The following DGKB variants were observed in gnomAD, a reference collection of about 807,000 sequenced individuals.
DGKB encodes the protein 90 kDa diacylglycerol kinase.
Under a neutral mutation model 114.3 loss-of-function variants are expected in DGKB, and 67 were observed. The observed-to-expected ratio is 0.59, with a 90% confidence interval of 0.48 to 0.72. The LOEUF is 0.72. DGKB is among the 30% of genes least tolerant of loss of function. The pLI, the probability that DGKB is intolerant of heterozygous loss-of-function variation, is 0.00. For missense variants in DGKB, 907 were observed against 975.2 expected, an observed-to-expected ratio of 0.93 and a Z score of 0.93; for synonymous variants, 398 against 323.1, an observed-to-expected ratio of 1.23 and a Z score of -2.49.
At chr7:14,637,364 T>G (rs1262975681) in intron 13 of DGKB, among the ~76,000 whole-genome samples, 1 of 151,904 alleles carries the variant, frequency 6.6e-6, no homozygotes, top group Non-Finnish European at 1.5e-5. Context: ...CTTTTATAAG[T>G]AGACATGCAC....
intron 21 of DGKB, among the ~76,000 whole-genome samples, chr7:14,420,232 TATA>T (rs1366136013): frequency 6.6e-6 from 1 of 151,930 alleles, no homozygotes; most frequent in Non-Finnish European, 1.5e-5. Flanking sequence ...TATTTTGTAT[TATA>T]ATACATTTAC....
chr7:14,722,525 A>G (rs912589347), intron 5 of DGKB, among the ~76,000 whole-genome samples: 2 of 152,172 alleles, frequency 1.3e-5, no homozygotes, highest in Non-Finnish European at 2.9e-5. Flanking sequence ...AATTAATAAA[A>G]AAGCTTGGCC....
intron 17 of DGKB, among the ~76,000 whole-genome samples, chr7:14,586,828 T>A (rs1800851112): frequency 6.6e-6 from 1 of 151,300 alleles, no homozygotes; most frequent in Admixed American, 6.6e-5. Flanking sequence ...ACTGAGTATT[T>A]TAAGTCCACG....
intron 1 of DGKB, among the ~76,000 whole-genome samples, chr7:14,901,881 T>A (rs192300928): frequency 4.7e-4 from 71 of 152,262 alleles, no homozygotes; most frequent in Admixed American, 1.8e-3. Context: ...TTTCTGCCAG[T>A]GAACACAATG....
At chr7:14,161,637 A>C (rs1783906735) in intron 25 of DGKB, among the ~76,000 whole-genome samples, 1 of 150,208 alleles carries the variant, frequency 6.7e-6, no homozygotes, top group Admixed American at 6.6e-5. Context: ...AGACACAGGG[A>C]GTGGAATATC....
At chr7:14,789,322 T>G (rs1370592450) in intron 2 of DGKB, among the ~76,000 whole-genome samples, 1 of 152,142 alleles carries the variant, frequency 6.6e-6, no homozygotes, top group Non-Finnish European at 1.5e-5. Context: ...GTCTCTCACT[T>G]CCTCCTCAAC....
At chr7:14,581,893 C>A (rs1458603304) in intron 18 of DGKB, among the ~76,000 whole-genome samples, 2 of 152,062 alleles carry the variant, frequency 1.3e-5, no homozygotes, top group African/African-American at 4.8e-5. Flanking sequence ...TGGTTGTCTT[C>A]TCAGATAAAA....
rs547248240 is a variant in DGKB at position 14,860,874 on chromosome 7, T to C, written c.-187-19424A>G. Reference sequence around the variant, plus strand: ...TAGAAAATTTATAGATTTTGTGACATTTTCTTAGGAAAATACAATTATAAA... The same window carrying C: ...TAGAAAATTTATAGATTTTGTGACACTTTCTTAGGAAAATACAATTATAAA... On this transcript the variant is annotated intron_variant, in intron 1 of 25. Transcript: ENST00000402815. Among the ~76,000 whole-genome samples, 6 of 152,080 alleles carry C rather than the reference T, an allele frequency of 3.9e-5. No individual in the cohort carries two copies. The East Asian group carries it at 1.2e-3, about 29-fold the overall frequency.
intron 8 of DGKB, among the ~76,000 whole-genome samples, chr7:14,696,222 G>T (rs571995159): frequency 2.0e-5 from 3 of 152,034 alleles, no homozygotes; most frequent in African/African-American, 7.2e-5. Context: ...GGCCGGGCGC[G>T]GTGGCTCACG....
At chr7:14,597,925 T>C (rs1383890038) in intron 17 of DGKB, among the ~76,000 whole-genome samples, 1 of 152,166 alleles carries the variant, frequency 6.6e-6, no homozygotes, top group Non-Finnish European at 1.5e-5. Flanking sequence ...TTATAATTTA[T>C]GTGAGCAATC....
intron 21 of DGKB, among the ~76,000 whole-genome samples, chr7:14,474,478 T>C (rs1781873415): frequency 6.6e-6 from 1 of 152,222 alleles, no homozygotes; most frequent in Admixed American, 6.5e-5. Context: ...ACTTTTCCTA[T>C]AACTGGTTCC....
At position 14,824,009 on chromosome 7, in the gene DGKB, G is replaced by A. The variant is rs1409455225; in HGVS notation, c.70+17185C>T. ...AAGCCTCACAATCATGGCAGAAGGT[G>A]AATGAGGGTCAAAGTCAAGTCTTAC... On this transcript the variant is annotated intron_variant, in intron 2 of 25. Transcript: ENST00000402815. 2.0e-5 allele frequency among the ~76,000 whole-genome samples: 3 copies of A among 152,144 alleles called. No individual in the cohort carries two copies. The East Asian group carries it at 5.8e-4, about 29-fold the overall frequency.
chr7:14,674,678 G>A (rs1011366031), intron 12 of DGKB, among the ~76,000 whole-genome samples: 4 of 152,034 alleles, frequency 2.6e-5, no homozygotes, highest in African/African-American at 9.7e-5. Context: ...GTCCTTATAA[G>A]AAGAGGGGAA....
At chr7:14,218,234 G>C (rs550607461) in intron 23 of DGKB, among the ~76,000 whole-genome samples, 1 of 151,988 alleles carries the variant, frequency 6.6e-6, no homozygotes, top group Non-Finnish European at 1.5e-5. Context: ...AAAAGAAATG[G>C]AGAAGGAATT....
chr7:14,449,465 C>G (rs988675858), intron 21 of DGKB, among the ~76,000 whole-genome samples: 3 of 151,950 alleles, frequency 2.0e-5, no homozygotes, highest in Non-Finnish European at 4.4e-5. Flanking sequence ...ATCACACATT[C>G]TTCCAAACAC....
At chr7:14,712,635 C>A (rs1261257837) in intron 6 of DGKB, among the ~76,000 whole-genome samples, 1 of 151,912 alleles carries the variant, frequency 6.6e-6, no homozygotes, top group Admixed American at 6.6e-5. Flanking sequence ...TGTGCCACTG[C>A]ACTCCAGCCT....
chr7:14,533,230 G>T (rs932588345), intron 20 of DGKB, among the ~76,000 whole-genome samples: 2 of 151,758 alleles, frequency 1.3e-5, no homozygotes, highest in East Asian at 3.9e-4. Flanking sequence ...ACTTTCAACA[G>T]ACAGCCTCTA....
At chr7:14,720,888 C>A (rs1829063288) in intron 5 of DGKB, among the ~76,000 whole-genome samples, 1 of 151,282 alleles carries the variant, frequency 6.6e-6, no homozygotes, top group South Asian at 2.1e-4. Flanking sequence ...TTGAAACTAG[C>A]CAACTAAAGC....
intron 1 of DGKB, among the ~76,000 whole-genome samples, chr7:14,875,215 CT>C (rs1271299303): frequency 6.6e-6 from 1 of 152,072 alleles, no homozygotes; most frequent in African/African-American, 2.4e-5. Context: ...AGAAATGAAG[CT>C]GTCTCTATAA....
Sources: allele counts gnomAD v4.1 joint callset (sites outside exome capture counted in the v4.1 genomes callset), GRCh38; gene constraint gnomAD v4.1.1; transcripts MANE v1.5; gene names NCBI Gene and HGNC (gene_info 2026-07-23, HGNC 2026-07-21).